The following DAB2IP variants were observed in gnomAD, a reference collection of about 807,000 sequenced individuals.
DAB2IP encodes disabled homolog 2-interacting protein.
A neutral mutation model predicts 107.2 loss-of-function variants in DAB2IP; 28 were observed. The observed-to-expected ratio is 0.26, with a 90% CI of 0.19 to 0.36. DAB2IP has a LOEUF of 0.36. DAB2IP is among the 10% of genes least tolerant of loss of function. The pLI is 1.00. For missense variants in DAB2IP, 1,400 were observed against 1,644.7 expected, an observed-to-expected ratio of 0.85 and a Z score of 2.57; for synonymous variants, 755 against 706.4, an observed-to-expected ratio of 1.07 and a Z score of -1.09.
intron 1 of DAB2IP, among the ~76,000 whole-genome samples, chr9:121,571,073 G>A (rs2777297): frequency 0.31 from 46,536 of 151,780 alleles, 7,901 homozygotes; most frequent in African/African-American, 0.41. Context: ...CAGGGCCTTT[G>A]AGCATCCTTC....
intron 1 of DAB2IP, among the ~76,000 whole-genome samples, chr9:121,656,169 C>T (rs1006107904): frequency 1.3e-5 from 2 of 152,068 alleles, no homozygotes; most frequent in African/African-American, 2.4e-5. Context: ...CCACCACACC[C>T]GGCTAATTTT....
intron 9 of DAB2IP, among the ~76,000 whole-genome samples, chr9:121,767,765 G>C (rs1834390842): frequency 2.0e-5 from 3 of 152,216 alleles, no homozygotes; most frequent in African/African-American, 7.2e-5. Context: ...GGAGAGCATA[G>C]CTGTGGTTCC....
At chr9:121,578,722 CTTTTTTTTTTTTTTT>C (rs749525264) in intron 1 of DAB2IP, among the ~76,000 whole-genome samples, 40 of 47,422 alleles carry the variant, frequency 8.4e-4, no homozygotes, top group Non-Finnish European at 1.1e-3. Flanking sequence ...CGGCCTATGT[CTTTTTTTTTTTTTTT>C]TTTTTTTTTT....
chr9:121,772,755 G>A lies in DAB2IP; in HGVS notation c.2227G>A (p.Gly743Ser). The A allele has an allele frequency of 6.2e-7, 1 of 1,613,892 alleles. No homozygotes were observed. ...GCCTGATCTTCAGATGGCCAACGGT[G>A]GCAAGAGCCTCTCCATGGTGGACCT... The change falls in exon 12 of 16, where the codon GGC becomes AGC. Residue 743 changes from glycine (G) to serine (S), a missense_variant. Gly to Ser is a moderately conservative substitution (Grantham distance 56, BLOSUM62 0). Around this residue, in one of 3 missense-constraint regions of DAB2IP, gnomAD observed 600 missense variants for 659.1 expected, o/e 0.91. Coordinates refer to ENST00000408936, the Ensembl canonical transcript of DAB2IP. The surrounding 1 kb of genome is among the most constrained non-coding windows in gnomAD (Gnocchi z 4.7).
At chr9:121,575,124 A>G (rs1413670656) in intron 1 of DAB2IP, 2 of 152,390 alleles carry the variant, frequency 1.3e-5, no homozygotes, top group African/African-American at 2.4e-5. Context: ...AGGGACAGGG[A>G]AAGGGAGGGA....
rs1472483758 is a variant in DAB2IP at position 121,736,359 on chromosome 9, G to A, written c.363-20654G>A. Among the ~76,000 whole-genome samples, 2 of 152,200 alleles carry A rather than the reference G, an allele frequency of 1.3e-5. No individual in the cohort carries two copies. The highest frequency in any genetic ancestry group is 4.8e-5 in the African/African-American group (2 of 41,444). ...GGTGGGGACCCAGACTCGCACGAAG[G>A]TGGGGAAGGAGTTGCAAGGCAGAGA... On this transcript the variant is annotated intron_variant, in intron 3 of 15. Transcript: ENST00000408936. The surrounding 1 kb of genome is among the most constrained non-coding windows in gnomAD (Gnocchi z 4.6).
chr9:121,608,591 C>T (rs1221017542), intron 1 of DAB2IP, among the ~76,000 whole-genome samples: 4 of 151,928 alleles, frequency 2.6e-5, no homozygotes, highest in Non-Finnish European at 5.9e-5. Flanking sequence ...CATCAGGACC[C>T]CAAATCGAGG....
chr9:121,754,021 A>G (rs555993794), intron 3 of DAB2IP, among the ~76,000 whole-genome samples: 6 of 152,316 alleles, frequency 3.9e-5, no homozygotes, highest in African/African-American at 1.4e-4. Flanking sequence ...GCCTTGGGTG[A>G]CTGATGGAGC....
intron 1 of DAB2IP, among the ~76,000 whole-genome samples, chr9:121,638,594 G>A (rs1474338502): frequency 6.6e-6 from 1 of 152,244 alleles, no homozygotes; most frequent in Admixed American, 6.5e-5. Flanking sequence ...GCTCAAGAGA[G>A]CTGTGGCAGG....
chr9:121,745,677 T>G (rs973400235), intron 3 of DAB2IP, among the ~76,000 whole-genome samples: 3 of 152,078 alleles, frequency 2.0e-5, no homozygotes, highest in Admixed American at 6.5e-5. Context: ...ATGATACATC[T>G]TCAGCAAATT....
At chr9:121,653,746 T>C (rs961774772) in intron 1 of DAB2IP, among the ~76,000 whole-genome samples, 13 of 152,014 alleles carry the variant, frequency 8.6e-5, no homozygotes, top group African/African-American at 3.1e-4. Flanking sequence ...TCAGCTGACC[T>C]CCTGCTCAGC....
rs146560535 is a variant in DAB2IP at position 121,578,659 on chromosome 9, C to T, written c.40+11431C>T. On this transcript the variant is annotated intron_variant, in intron 1 of 16. Transcript: ENST00000259371. Reference sequence around the variant, plus strand: ...CCTCCCTTGCTGGCCCTTTCTCCGGCCCTGCAACGGGCCCAAGTCTCTCCC... The same window carrying T: ...CCTCCCTTGCTGGCCCTTTCTCCGGTCCTGCAACGGGCCCAAGTCTCTCCC... Among the ~76,000 whole-genome samples the T allele has an allele frequency of 4.6e-3, 683 of 149,000 alleles. 5 individuals are homozygous for T. Among genetic ancestry groups the T allele is most frequent in the African/African-American group, 0.016 (651 of 40,958 alleles).
exon 9 of DAB2IP, chr9:121,766,530 G>C (rs371966536): frequency 6.2e-7 from 1 of 1,611,154 alleles, no homozygotes; most frequent in South Asian, 1.1e-5. Flanking sequence ...TGTTTGCCTC[G>C]TGGAGGCAGG....
chr9:121,567,635 G>A (rs1275528065), intron 1 of DAB2IP, among the ~76,000 whole-genome samples: 2 of 152,242 alleles, frequency 1.3e-5, no homozygotes, highest in African/African-American at 4.8e-5. Context: ...AGAGGCAACA[G>A]GAACATACCT....
intron 1 of DAB2IP, among the ~76,000 whole-genome samples, chr9:121,610,977 G>A (rs1300239172): frequency 6.6e-6 from 1 of 152,020 alleles, no homozygotes; most frequent in Non-Finnish European, 1.5e-5. Flanking sequence ...AGATTTGTTT[G>A]TTTGTTTGTT....
intron 2 of DAB2IP, among the ~76,000 whole-genome samples, chr9:121,681,259 C>CA (rs1328347202): frequency 6.6e-6 from 1 of 152,196 alleles, no homozygotes; most frequent in Non-Finnish European, 1.5e-5. Context: ...CATTGCCCCA[C>CA]ACCCCCCCAG....
intron 3 of DAB2IP, among the ~76,000 whole-genome samples, chr9:121,731,035 A>G (rs775928691): frequency 6.6e-6 from 1 of 152,204 alleles, no homozygotes; most frequent in Non-Finnish European, 1.5e-5. Context: ...CCTGCTCCCA[A>G]ACTGGAAATG....
At chr9:121,639,198 A>G (rs1332139130) in intron 1 of DAB2IP, among the ~76,000 whole-genome samples, 1 of 152,210 alleles carries the variant, frequency 6.6e-6, no homozygotes, top group Non-Finnish European at 1.5e-5. Context: ...CTGCCTGACA[A>G]AGGGGAAGCA....
chr9:121,760,229 C>G lies in DAB2IP; in HGVS notation c.960C>G (p.Gly320=), dbSNP rs570908203. ...CGGTGGTGACGCCCAACCCCAAGGG[C>G]GGCAAGGGCCCTGGACCCATGATCC... Residue 320 remains glycine, a synonymous_variant, in exon 6 of 16, where the codon GGC becomes GGG. Transcript: ENST00000408936. The surrounding 1 kb of genome is among the most constrained non-coding windows in gnomAD (Gnocchi z 5.9). 15 of 1,613,550 alleles carry G rather than the reference C, an allele frequency of 9.3e-6. No homozygotes were observed. Among genetic ancestry groups the G allele is most frequent in the Admixed American group, 3.3e-5 (2 of 59,998 alleles).
Sources: gnomAD v4.1 joint callset for allele counts (sites outside exome capture counted in the v4.1 genomes callset) on GRCh38, gnomAD v4.1.1 for gene constraint, gnomAD v4.1.1 regional missense constraint, Gnocchi (gnomAD v3.1) non-coding constraint, MANE v1.5 for transcripts, NCBI Gene and HGNC (gene_info 2026-07-23, HGNC 2026-07-21) for gene names.